The following NPHP4 variants were observed in gnomAD, a reference collection of about 807,000 sequenced individuals.
NPHP4 encodes nephrocystin-4.
In NPHP4, 151 loss-of-function variants were observed where a neutral mutation model predicts 155.8. The ratio of observed to expected loss-of-function variants is 0.97; its 90% CI spans 0.85 to 1.11. The LOEUF (loss-of-function observed/expected upper bound fraction) is 1.11, where lower values mean the gene tolerates loss of function less well. Among genes scored for constraint, NPHP4 ranks in the 50% least tolerant of loss-of-function variants. NPHP4 has a pLI of 0.00. For missense variants in NPHP4, 1,956 were observed against 1,925.7 expected, an observed-to-expected ratio of 1.02 and a Z score of -0.29; for synonymous variants, 845 against 816.8, an observed-to-expected ratio of 1.03 and a Z score of -0.59.
chr1:5,875,306 A>G (rs1490614196), intron 20 of NPHP4, among the ~76,000 whole-genome samples: 1 of 150,570 alleles, frequency 6.6e-6, no homozygotes, highest in South Asian at 2.1e-4. Context: ...CTGGACAGAG[A>G]TCTGCTGGCT....
intron 16 of NPHP4, among the ~76,000 whole-genome samples, chr1:5,895,598 C>T (rs148986617): frequency 2.0e-3 from 309 of 152,298 alleles, no homozygotes; most frequent in Non-Finnish European, 3.5e-3. Context: ...CCCATTTTGA[C>T]GGTGAGCAGG....
intron 6 of NPHP4, among the ~76,000 whole-genome samples, chr1:5,960,649 G>T (rs1223062893): frequency 2.0e-5 from 3 of 152,100 alleles, no homozygotes; most frequent in African/African-American, 7.2e-5. Flanking sequence ...GGTAGAAGGA[G>T]GCTGGTGTGT....
intron 23 of NPHP4, among the ~76,000 whole-genome samples, chr1:5,868,799 TACATGCACACAC>T (rs1641587748): frequency 4.7e-5 from 3 of 63,344 alleles, no homozygotes; most frequent in East Asian, 6.1e-4. Context: ...AATGCACACA[TACATGCACACAC>T]ATCCACCCAC....
At chr1:5,894,442 C>G (rs1278849032) in intron 16 of NPHP4, among the ~76,000 whole-genome samples, 2 of 148,516 alleles carry the variant, frequency 1.3e-5, no homozygotes, top group Admixed American at 6.7e-5. Flanking sequence ...AGAGCAAGAC[C>G]CAGTCTCAAA....
chr1:5,986,620 G>A (rs1655528119), intron 1 of NPHP4, among the ~76,000 whole-genome samples: 1 of 152,182 alleles, frequency 6.6e-6, no homozygotes, highest in Non-Finnish European at 1.5e-5. Context: ...TGATACACCA[G>A]GTACCTGGGG....
At chr1:5,957,508 CCGCTG>C (rs1366627966) in intron 6 of NPHP4, among the ~76,000 whole-genome samples, 2 of 151,920 alleles carry the variant, frequency 1.3e-5, no homozygotes, top group African/African-American at 4.8e-5. Flanking sequence ...AAAAACAAGA[CCGCTG>C]CAACAGTGGG....
At chr1:5,886,104 G>C (rs1039515069) in intron 18 of NPHP4, among the ~76,000 whole-genome samples, 3 of 152,342 alleles carry the variant, frequency 2.0e-5, no homozygotes, top group East Asian at 3.9e-4. Flanking sequence ...GGTGGCTGGA[G>C]AATTAAATAT....
intron 2 of NPHP4, among the ~76,000 whole-genome samples, chr1:5,984,094 G>A (rs752819801): frequency 6.6e-6 from 1 of 152,172 alleles, no homozygotes; most frequent in Non-Finnish European, 1.5e-5. Flanking sequence ...ACTGGGAAAA[G>A]TCTAAATGTT....
chr1:5,977,316 CT>C (rs568321745), intron 3 of NPHP4, among the ~76,000 whole-genome samples: 68 of 152,204 alleles, frequency 4.5e-4, no homozygotes, highest in African/African-American at 1.6e-3. Flanking sequence ...CCTAACACCC[CT>C]GGGTCTCCCT....
At position 5,874,453 on chromosome 1, in the gene NPHP4, T is replaced by C. The variant is rs1570133591; in HGVS notation, c.3231+18A>G. 8 of 1,504,302 alleles carry C rather than the reference T, an allele frequency of 5.3e-6. No individual in the cohort carries two copies. The highest frequency in any genetic ancestry group is 1.4e-5 in the African/African-American group (1 of 71,228). The allele number at this position is 1,504,302 out of a possible 1,614,324, so 93.2% of individuals were successfully genotyped here. A position where few individuals can be genotyped will look rare whatever the true frequency, so the allele number is the denominator to read the frequency against. ...TCATCAGCCAAATGCAACTTCCCTG[T>C]GTGCCTGACACCCGCACCTGCACCA... On this transcript the variant is annotated intron_variant, in intron 22 of 29. Transcript: ENST00000378156.
Position 5,979,198 on chromosome 1 carries a change from C to T in NPHP4, c.136-785G>A, listed in dbSNP as rs79941433. ...TTCTTTCACCTATTCACTTAGTAAA[C>T]GTTACTTACACATCTATTCTGCGCA... On this transcript the variant is annotated intron_variant, in intron 2 of 29. Coordinates refer to ENST00000378156, the MANE Select transcript of NPHP4 (RefSeq NM_015102.5). Among the ~76,000 whole-genome samples the T allele has an allele frequency of 9.2e-3, 1,394 of 152,344 alleles. 15 individuals are homozygous for T. The highest frequency in any genetic ancestry group is 0.014 in the Non-Finnish European group (954 of 68,038).
intron 11 of NPHP4, among the ~76,000 whole-genome samples, chr1:5,925,177 A>G (rs1645933381): frequency 6.6e-6 from 1 of 152,176 alleles, no homozygotes; most frequent in Admixed American, 6.5e-5. Flanking sequence ...CCAGCCTTGG[A>G]TTGAAAATAT....
chr1:5,991,943 C>A (rs1444526204), intron 1 of NPHP4, among the ~76,000 whole-genome samples: 2 of 11,064 alleles, frequency 1.8e-4, no homozygotes, highest in Non-Finnish European at 3.8e-4. Context: ...GGGCAGGGGG[C>A]AGGGGGCAGG....
At chr1:5,879,617 G>T in intron 19 of NPHP4, 2 of 518,822 alleles carry the variant, frequency 3.9e-6, no homozygotes, top group Non-Finnish European at 7.7e-6. Context: ...CAGCACAGTC[G>T]CCTGCAGAGC....
chr1:5,972,096 C>G (rs569721342), intron 3 of NPHP4, among the ~76,000 whole-genome samples: 1 of 152,380 alleles, frequency 6.6e-6, no homozygotes, highest in South Asian at 2.1e-4. Flanking sequence ...CCGGGCACCC[C>G]CCATGGCACG....
chr1:5,958,864 A>AAAAAAAAC, intron 6 of NPHP4, among the ~76,000 whole-genome samples: 1 of 151,266 alleles, frequency 6.6e-6, no homozygotes, highest in Non-Finnish European at 1.5e-5. Context: ...CTCAAAAAAA[A>AAAAAAAAC]AAAAAAAAAG....
At chr1:5,923,184 G>A (rs1482937763) in intron 11 of NPHP4, among the ~76,000 whole-genome samples, 4 of 152,216 alleles carry the variant, frequency 2.6e-5, no homozygotes, top group African/African-American at 9.7e-5. Context: ...GGGATGATCG[G>A]CCCCGGTGGG....
At chr1:5,929,885 A>G (rs1646190165) in intron 10 of NPHP4, among the ~76,000 whole-genome samples, 1 of 152,130 alleles carries the variant, frequency 6.6e-6, no homozygotes, top group Non-Finnish European at 1.5e-5. Context: ...AAGTGGCATT[A>G]TTTCTTCTTC....
chr1:5,937,010 C>T (rs982960008), intron 9 of NPHP4, among the ~76,000 whole-genome samples: 5 of 152,284 alleles, frequency 3.3e-5, no homozygotes, highest in South Asian at 4.1e-4. Context: ...GACGAGGGGG[C>T]GGAGAACGGA....
Sources: gnomAD v4.1 joint callset for allele counts (sites outside exome capture counted in the v4.1 genomes callset) on GRCh38, gnomAD v4.1.1 for gene constraint, MANE v1.5 for transcripts, NCBI Gene and HGNC (gene_info 2026-07-23, HGNC 2026-07-21) for gene names.